Variants in OSBPL10 observed in about 807,000 individuals in gnomAD.
The protein encoded by OSBPL10 is oxysterol binding protein like 10.
Under a neutral mutation model 81.7 loss-of-function variants are expected in OSBPL10, and 49 were observed. That is an observed-to-expected ratio of 0.60 (90% CI 0.48 to 0.76). The LOEUF is 0.76. OSBPL10 is among the 30% of genes least tolerant of loss of function. OSBPL10 has a pLI of 0.00. For missense variants in OSBPL10, 923 were observed against 987.8 expected, an observed-to-expected ratio of 0.93 and a Z score of 0.88; for synonymous variants, 419 against 383.6, an observed-to-expected ratio of 1.09 and a Z score of -1.08.
intron 2 of OSBPL10, among the ~76,000 whole-genome samples, chr3:32,027,436 T>C (rs1385724137): frequency 2.6e-5 from 4 of 152,164 alleles, no homozygotes; most frequent in Non-Finnish European, 5.9e-5. Flanking sequence ...GAGGTGATGA[T>C]TCAAGGGGAC....
chr3:31,682,221 C>A (rs962351348), intron 8 of OSBPL10, among the ~76,000 whole-genome samples: 3 of 139,902 alleles, frequency 2.1e-5, no homozygotes, highest in Admixed American at 7.1e-5. Flanking sequence ...ATTACCCCCG[C>A]CCAGGGTCTG....
At chr3:31,831,005 A>T (rs1700226556) in intron 3 of OSBPL10, among the ~76,000 whole-genome samples, 1 of 152,238 alleles carries the variant, frequency 6.6e-6, no homozygotes, top group African/African-American at 2.4e-5. Flanking sequence ...AGCTGGATTC[A>T]TCTCTCAGAT....
chr3:31,980,996 CCA>C lies in OSBPL10; in HGVS notation c.182_183del (p.Val61GlyfsTer3). ...CCGCCTCCCCCGGACGGGCTAGCGG[CCA>C]CAGAGCCCGGGCTGCTGCGGCTTCC... ...GGGSRSSPGS[V>X]AASPSGGGGR... On this transcript the variant is annotated frameshift_variant, in exon 1 of 12. Transcript: ENST00000396556. LOFTEE classifies it high-confidence loss of function. 6.6e-7 allele frequency: 1 copy of C among 1,524,508 alleles called. No individual in the cohort carries two copies. The highest frequency in any genetic ancestry group is 8.8e-7 in the Non-Finnish European group (1 of 1,140,786). 94.4% of individuals were successfully genotyped at this position (1,524,508 alleles called of 1,614,324 possible). A position where few individuals can be genotyped will look rare whatever the true frequency, so the allele number is the denominator to read the frequency against.
intron 4 of OSBPL10, among the ~76,000 whole-genome samples, chr3:31,771,691 C>T (rs1395959687): frequency 6.6e-6 from 1 of 152,176 alleles, no homozygotes; most frequent in Non-Finnish European, 1.5e-5. Context: ...GGAAGGTCTT[C>T]AGGACTCGGA....
Position 31,845,955 on chromosome 3 carries a change from T to C in OSBPL10, c.538-15724A>G, listed in dbSNP as rs76498228. 3.0e-3 allele frequency among the ~76,000 whole-genome samples: 464 copies of C among 152,370 alleles called. 3 individuals carry two copies. The highest frequency in any genetic ancestry group is 0.011 in the African/African-American group (450 of 41,576). ...CATGGAGAAGATGAGACATGTGCTT[T>C]GCAAAAGGCAAATTTGAAATAACTG... On this transcript the variant is annotated intron_variant, in intron 3 of 11. Transcript: ENST00000396556.
rs6793962 is a variant in OSBPL10, at chr3:32,041,159, G to T, written n.298+5332C>A. The stretch of plus-strand genomic sequence containing the variant: ...CATGCCACTCTAGAGACAGTGTCAA[G>T]AGAAAAAATGAGGGAGGACTGAACT... On this transcript the variant is annotated intron_variant and non_coding_transcript_variant, in intron 2 of 3. Transcript: ENST00000479173. Among the ~76,000 whole-genome samples the T allele has an allele frequency of 2.2e-3, 339 of 152,244 alleles. 3 individuals are homozygous for T. The highest frequency in any genetic ancestry group is 7.6e-3 in the African/African-American group (316 of 41,540).
At chr3:31,719,212 G>T (rs1026966897) in intron 6 of OSBPL10, among the ~76,000 whole-genome samples, 2 of 152,052 alleles carry the variant, frequency 1.3e-5, no homozygotes, top group Admixed American at 1.3e-4. Flanking sequence ...TCAAGCTAAG[G>T]GATCTTCATG....
intron 1 of OSBPL10, among the ~76,000 whole-genome samples, chr3:31,951,363 C>T (rs1330662790): frequency 2.6e-5 from 4 of 151,702 alleles, no homozygotes; most frequent in Non-Finnish European, 4.4e-5. Flanking sequence ...AGATAACACA[C>T]ATTATTTTTG....
intron 4 of OSBPL10, among the ~76,000 whole-genome samples, chr3:31,823,315 G>A (rs550785820): frequency 3.9e-5 from 6 of 152,328 alleles, no homozygotes; most frequent in Non-Finnish European, 7.3e-5. Context: ...AGTATGCCTA[G>A]TGATTGTGCA....
At chr3:31,999,418 T>C (rs1024471438) in intron 2 of OSBPL10, among the ~76,000 whole-genome samples, 1 of 143,696 alleles carries the variant, frequency 7.0e-6, no homozygotes, top group African/African-American at 2.6e-5. Context: ...TGGAGTACAA[T>C]GGCACAATCT....
intron 3 of OSBPL10, among the ~76,000 whole-genome samples, chr3:31,855,106 A>C (rs1700876786): frequency 6.6e-6 from 1 of 152,026 alleles, no homozygotes; most frequent in South Asian, 2.1e-4. Context: ...GCTCACTATA[A>C]CCTCCAACTC....
intron 1 of OSBPL10, among the ~76,000 whole-genome samples, chr3:31,881,213 G>C (rs988058406): frequency 1.3e-5 from 2 of 152,148 alleles, no homozygotes. Flanking sequence ...GAAGTGGAAA[G>C]TGTTTTCCTC....
intron 6 of OSBPL10, among the ~76,000 whole-genome samples, chr3:31,731,071 GACAGA>G (rs1268190315): frequency 1.3e-5 from 2 of 151,800 alleles, no homozygotes; most frequent in Non-Finnish European, 2.9e-5. Flanking sequence ...TTTTTTTTCT[GACAGA>G]AAAACTATTG....
intron 2 of OSBPL10, chr3:31,990,219 TG>T (rs1198534118): frequency 6.2e-7 from 1 of 1,613,934 alleles, no homozygotes; most frequent in African/African-American, 1.3e-5. Context: ...AAGCCTTTAG[TG>T]GGCAGTCAAC....
At chr3:31,678,597 T>A (rs1700548631) in intron 8 of OSBPL10, among the ~76,000 whole-genome samples, 2 of 152,162 alleles carry the variant, frequency 1.3e-5, no homozygotes, top group Non-Finnish European at 2.9e-5. Flanking sequence ...TTCCACATAT[T>A]TGTCTAATGG....
intron 3 of OSBPL10, among the ~76,000 whole-genome samples, chr3:31,839,198 T>C (rs1390494586): frequency 2.0e-5 from 3 of 152,250 alleles, no homozygotes; most frequent in Non-Finnish European, 2.9e-5. Flanking sequence ...GATTCATTAT[T>C]ATCTCTTCTC....
intron 2 of OSBPL10, among the ~76,000 whole-genome samples, chr3:32,021,276 G>T (rs1699361347): frequency 6.6e-6 from 1 of 152,164 alleles, no homozygotes; most frequent in South Asian, 2.1e-4. Context: ...ACAAAAGTGT[G>T]GGTATTTTCT....
intron 1 of OSBPL10, among the ~76,000 whole-genome samples, chr3:31,905,186 G>T (rs1696367488): frequency 6.6e-6 from 1 of 152,018 alleles, no homozygotes; most frequent in African/African-American, 2.4e-5. Context: ...TACATAGAAA[G>T]CTTAATTTTT....
Position 31,879,704 on chromosome 3 carries a change from G to A in OSBPL10, c.408C>T (p.Pro136=). 6.2e-7 allele frequency: 1 copy of A among 1,614,126 alleles called. No homozygotes were observed. The highest frequency in any genetic ancestry group is 2.2e-5 in the East Asian group (1 of 44,878). ...GAIVSLSDEA[P]HMLVVYSANG... is the part of the protein sequence containing the mutation. ...TAGCAGAGTACACCACCAGCATGTG[G>A]GGAGCTTCATCGCTCAGGGACACTA... Residue 136 remains proline, a synonymous_variant, in exon 2 of 12, where the codon CCC becomes CCT. Transcript: ENST00000396556.
Sources: gnomAD v4.1 joint callset for allele counts (sites outside exome capture counted in the v4.1 genomes callset) on GRCh38, gnomAD v4.1.1 for gene constraint, MANE v1.5 for transcripts, NCBI Gene and HGNC (gene_info 2026-07-23, HGNC 2026-07-21) for gene names.